The following FCHO1 variants were observed in gnomAD, a reference collection of about 807,000 sequenced individuals.
FCHO1 encodes F-BAR domain only protein 1.
Under a neutral mutation model 114.4 loss-of-function variants are expected in FCHO1, and 45 were observed. That is an observed-to-expected ratio of 0.39 (90% CI 0.31 to 0.50). The LOEUF is 0.50. FCHO1 is among the 20% of genes least tolerant of loss of function. FCHO1 has a pLI of 0.77. For synonymous variants in FCHO1, 480 were observed against 488.9 expected (o/e 0.98, Z 0.24); for missense variants, 1,042 against 1,209.6 (o/e 0.86, Z 2.06).
chr19:17,781,744 G>T lies in FCHO1; in HGVS notation c.1861G>T (p.Gly621Cys). Residue 621 changes from glycine to cysteine, a missense_variant, in exon 23 of 29, where the codon GGC becomes TGC. Coordinates refer to ENST00000596536, the MANE Select transcript of FCHO1 (RefSeq NM_015122.3). ...VSRGPSPVVL[G>C]SQDALPIATA... ...CCGGGGTCCGAGCCCTGTGGTCCTG[G>T]GCTCCCAGGATGCCCTGCCCATAGC... 1 of 1,610,636 alleles carries T rather than the reference G, an allele frequency of 6.2e-7. No individual in the cohort carries two copies. The highest frequency in any genetic ancestry group is 8.5e-7 in the Non-Finnish European group (1 of 1,178,354).
At chr19:17,778,957 G>A in intron 20 of FCHO1, 73 bp downstream of exon 20, 2 of 1,406,472 alleles carry the variant, frequency 1.4e-6, no homozygotes, top group Non-Finnish European at 1.9e-6. Flanking sequence ...CTTTGGGCAG[G>A]GCCTGATCAG....
At chr19:17,756,336 A>G (rs2083492643) in intron 4 of FCHO1, among the ~76,000 whole-genome samples, 1 of 152,192 alleles carries the variant, frequency 6.6e-6, no homozygotes, top group South Asian at 2.1e-4. Context: ...CTGCCGTGTA[A>G]TGGAGGTGAC....
chr19:17,778,131 C>T lies in FCHO1; in HGVS notation c.1260-6C>T, dbSNP rs1457300060. Reference sequence around the variant, plus strand: ...GAAGCAGCCCTCTTGGCCTCACCCTCTCTAGCTGTGCAGAGAGATTGCAGT... The same window carrying T: ...GAAGCAGCCCTCTTGGCCTCACCCTTTCTAGCTGTGCAGAGAGATTGCAGT... On this transcript the variant is annotated splice_polypyrimidine_tract_variant and splice_region_variant and intron_variant, in intron 18 of 28. Transcript: ENST00000596536. 5.6e-6 allele frequency: 9 copies of T among 1,612,636 alleles called. No individual in the cohort carries two copies. The highest frequency in any genetic ancestry group is 1.3e-5 in the African/African-American group (1 of 74,908).
In FCHO1 at chr19:17,788,275, C is replaced by A; in HGVS notation, c.2648-9C>A. ...CCCACCCCTCCCCCTCACAGCTGCA[C>A]CCCCACAGGGATGTACCTGGTGAGC... On this transcript the variant is annotated splice_polypyrimidine_tract_variant and intron_variant, in intron 28 of 28. Transcript: ENST00000596536. The A allele has an allele frequency of 1.3e-6, 2 of 1,572,300 alleles. No homozygotes were observed. Among genetic ancestry groups the A allele is most frequent in the Non-Finnish European group, 1.7e-6 (2 of 1,145,992 alleles).
chr19:17,774,201 G>C (rs2092270726), intron 11 of FCHO1, 38 bp from the exon 12 acceptor site: 1 of 1,608,198 alleles, frequency 6.2e-7, no homozygotes, highest in African/African-American at 1.3e-5. Context: ...GGGCCACCGT[G>C]CCCAGCCCCT....
At position 17,772,724 on chromosome 19, in the gene FCHO1, C is replaced by T. The variant is rs1327688161; in HGVS notation, c.773C>T (p.Thr258Ile). 3 of 1,614,020 alleles carry T rather than the reference C, an allele frequency of 1.9e-6. No homozygotes were observed. Among genetic ancestry groups the T allele is most frequent in the African/African-American group, 2.7e-5 (2 of 74,944 alleles). ...AGGAAGTTTGCAGAGAGTAAGGGCA[C>T]AGGCCGGGAGAAGCCTGGTGAGTCA... is the stretch of plus-strand genomic sequence containing the variant. ...LLRKFAESKG[T>I]GREKPGPLDF... The change falls in exon 11 of 29, where the codon ACA (threonine) becomes ATA (isoleucine). Residue 258 changes from threonine to isoleucine, a missense_variant. This residue lies in a region of FCHO1 where 450 missense variants were observed against 564.1 expected (regional missense o/e 0.80). Transcript: ENST00000596536.
Position 17,776,161 on chromosome 19 carries a change from G to A in FCHO1, c.1182G>A (p.Gly394=). 1 of 1,613,924 alleles carries A rather than the reference G, an allele frequency of 6.2e-7. No homozygotes were observed. Among genetic ancestry groups the A allele is most frequent in the African/African-American group, 1.3e-5 (1 of 75,010 alleles). Residue 394 remains glycine (G), a splice_region_variant and synonymous_variant, in exon 16 of 29, where the codon GGG becomes GGA. Transcript: ENST00000596536. The surrounding 1 kb of genome is among the most constrained non-coding windows in gnomAD (Gnocchi z 4.4). ...GCCTCATCCTTCCTCCTGGCCCAGG[G>A]GTGAGGCGTGGGAGGGGTGCCCTGG... The part of the protein sequence containing the change: ...AGSLILPPGP[G]GTMKRHSSRD...
At chr19:17,754,732 G>A (rs2082892753) in intron 3 of FCHO1, 51 bp downstream of exon 3, 2 of 167,770 alleles carry the variant, frequency 1.2e-5, no homozygotes, top group Admixed American at 1.2e-4. Flanking sequence ...TCCCATCTGT[G>A]AAGTGGATCA....
intron 26 of FCHO1, among the ~76,000 whole-genome samples, chr19:17,786,344 CAAAA>C (rs1417893814): frequency 4.3e-5 from 5 of 115,806 alleles, no homozygotes; most frequent in Non-Finnish European, 6.6e-5. Context: ...AAAAAACACA[CAAAA>C]AAACACAAAA....
chr19:17,768,578 C>T (rs894949363), intron 7 of FCHO1, among the ~76,000 whole-genome samples: 11 of 151,884 alleles, frequency 7.2e-5, no homozygotes, highest in African/African-American at 2.7e-4. Flanking sequence ...CCTGTAATCC[C>T]AGCTACTCAG....
intron 7 of FCHO1, among the ~76,000 whole-genome samples, chr19:17,768,723 AG>A (rs1194884928): frequency 2.3e-4 from 24 of 106,618 alleles, no homozygotes; most frequent in East Asian, 1.5e-3. Flanking sequence ...AAAAAAAAAA[AG>A]GAGAGAGAGA....
chr19:17,762,607 T>C, intron 4 of FCHO1, 155 bp from the exon 5 acceptor site: 2 of 703,424 alleles, frequency 2.8e-6, no homozygotes, highest in Admixed American at 4.0e-5. Context: ...ACAATCCCTA[T>C]GGCCCAGGGG....
At chr19:17,785,180 T>G (rs573064386) in intron 26 of FCHO1, among the ~76,000 whole-genome samples, 1 of 152,212 alleles carries the variant, frequency 6.6e-6, no homozygotes, top group African/African-American at 2.4e-5. Flanking sequence ...TATGGTGAGA[T>G]CTCATCTCTA....
rs201514455 is a variant in FCHO1, at chr19:17,770,621, G to A, written c.489+44G>A. The A allele has an allele frequency of 8.8e-6, 14 of 1,592,366 alleles. No homozygotes were observed. In the East Asian group the frequency reaches 1.4e-4, roughly 15 times the overall value. ...GGTTCTGAGGAATTTGCCGCGGGGC[G>A]GAGGGGCTGCCTGATCAGAGAGTGG... On this transcript the variant is annotated intron_variant, in intron 8 of 28. Coordinates refer to ENST00000596536, the MANE Select transcript of FCHO1 (RefSeq NM_015122.3).
chr19:17,759,092 A>G (rs2084989123), intron 4 of FCHO1, among the ~76,000 whole-genome samples: 1 of 152,138 alleles, frequency 6.6e-6, no homozygotes, highest in Non-Finnish European at 1.5e-5. Context: ...ATGCTGCCAG[A>G]GGGATGGCTT....
rs1351350792 is a variant in FCHO1 at position 17,774,267 on chromosome 19, G to A, written c.819G>A (p.Ala273=). 6.2e-6 allele frequency: 10 copies of A among 1,613,954 alleles called. No individual in the cohort carries two copies. The highest frequency in any genetic ancestry group is 4.0e-5 in the African/African-American group (3 of 74,902). ...CTCTGGACTTCGAGGCATACAGTGC[G>A]GCTGCCCTGCAGGAAGGCAAGTACG... The part of the protein sequence containing the change: ...PGPLDFEAYS[A]AALQEAMKRL... Residue 273 remains alanine, a synonymous_variant, in exon 12 of 29, where the codon GCG becomes GCA. Coordinates refer to ENST00000596536, the MANE Select transcript of FCHO1 (RefSeq NM_015122.3).
intron 4 of FCHO1, among the ~76,000 whole-genome samples, chr19:17,761,030 C>T (rs1474731101): frequency 6.6e-6 from 1 of 152,144 alleles, no homozygotes; most frequent in Non-Finnish European, 1.5e-5. Flanking sequence ...CAGCCCTGGC[C>T]TCCCCCACCA....
intron 6 of FCHO1, among the ~76,000 whole-genome samples, chr19:17,765,066 G>GAAA (rs574969255): frequency 2.2e-5 from 2 of 90,510 alleles, no homozygotes; most frequent in Non-Finnish European, 4.6e-5. Flanking sequence ...ACTCTGTTTT[G>GAAA]AAAAAAAAAA....
chr19:17,784,929 G>T lies in FCHO1; in HGVS notation c.2426+5G>T, dbSNP rs1274043223. The T allele has an allele frequency of 6.2e-7, 1 of 1,609,030 alleles. No homozygotes were observed. The highest frequency in any genetic ancestry group is 8.5e-7 in the Non-Finnish European group (1 of 1,179,928). On this transcript the variant is annotated splice_donor_5th_base_variant and intron_variant, in intron 26 of 28. Coordinates refer to ENST00000596536, the MANE Select transcript of FCHO1 (RefSeq NM_015122.3). This position sits in a 1 kb window ranked among gnomAD's most constrained non-coding sequence, Gnocchi z 5.3. ...CTTGCAGCCGGCTGCCACCTGGTGA[G>T]GGCTTGCGGGAGGCCAAGGAAAACT...
Sources: allele counts gnomAD v4.1 joint callset (sites outside exome capture counted in the v4.1 genomes callset), GRCh38; gene constraint gnomAD v4.1.1; regional missense constraint gnomAD v4.1.1; non-coding constraint Gnocchi (gnomAD v3.1); transcripts MANE v1.5; gene names NCBI Gene and HGNC (gene_info 2026-07-23, HGNC 2026-07-21).